ZNF385D: variants seen among roughly 807,000 people sequenced by gnomAD.
ZNF385D encodes zinc finger protein 659.
ZNF385D carries 15 observed loss-of-function variants against 35.8 expected under a neutral mutation model. The ratio of observed to expected loss-of-function variants is 0.42; its 90% confidence interval spans 0.28 to 0.64. The LOEUF is 0.64. Among genes scored for constraint, ZNF385D ranks in the 30% least tolerant of loss-of-function variants. ZNF385D has a pLI of 0.23. For missense variants in ZNF385D, 474 were observed against 494.6 expected (o/e 0.96, Z 0.39); for synonymous variants, 212 against 186.8 (o/e 1.13, Z -1.10).
At chr3:22,185,235 G>T (rs1001274089) in intron 2 of ZNF385D, among the ~76,000 whole-genome samples, 1 of 152,060 alleles carries the variant, frequency 6.6e-6, no homozygotes, top group Non-Finnish European at 1.5e-5. Context: ...GGACAGAAAC[G>T]AAATACTAAG....
rs184832791 is a variant in ZNF385D, at chr3:21,970,949, T to C, written c.325+197868A>G. Among the ~76,000 whole-genome samples the C allele has an allele frequency of 2.3e-3, 354 of 152,132 alleles. 1 individual carries two copies. Among genetic ancestry groups the C allele is most frequent in the African/African-American group, 8.1e-3 (338 of 41,540 alleles). On this transcript the variant is annotated intron_variant, in intron 3 of 5. Coordinates refer to the ZNF385D transcript ENST00000494108. The stretch of plus-strand genomic sequence containing the variant: ...CAAAAGAAAAAAAAAACTTTCATCT[T>C]AGAGTACTATATCCAGTAAAAATGT...
intron 1 of ZNF385D, among the ~76,000 whole-genome samples, chr3:21,684,693 T>TA (rs145832312): frequency 2.4e-4 from 37 of 152,300 alleles, no homozygotes; most frequent in African/African-American, 8.4e-4. Flanking sequence ...ATGTTTATGG[T>TA]ATAATAAGCA....
At chr3:22,101,071 T>G (rs950047785) in intron 3 of ZNF385D, among the ~76,000 whole-genome samples, 1 of 151,978 alleles carries the variant, frequency 6.6e-6, no homozygotes, top group African/African-American at 2.4e-5. Flanking sequence ...AAGAAGTTAA[T>G]GAAAACTTAG....
intron 3 of ZNF385D, among the ~76,000 whole-genome samples, chr3:21,769,495 A>G (rs2070983102): frequency 7.9e-6 from 1 of 126,812 alleles, no homozygotes; most frequent in African/African-American, 3.2e-5. Flanking sequence ...AATTGCTTCA[A>G]AGAGAATAAA....
chr3:21,911,728 T>G (rs259547), intron 3 of ZNF385D, among the ~76,000 whole-genome samples: 21,847 of 151,906 alleles, frequency 0.14, 1,832 homozygotes, highest in African/African-American at 0.16. Context: ...TGCCAAAAAC[T>G]TATTTTATTA....
intron 3 of ZNF385D, among the ~76,000 whole-genome samples, chr3:22,124,115 G>A (rs1386403269): frequency 6.6e-6 from 1 of 151,496 alleles, no homozygotes; most frequent in Non-Finnish European, 1.5e-5. Context: ...TCTGGTAACC[G>A]TTATTCTACT....
At chr3:22,106,639 C>T (rs918880159) in intron 3 of ZNF385D, among the ~76,000 whole-genome samples, 4 of 152,118 alleles carry the variant, frequency 2.6e-5, no homozygotes, top group East Asian at 1.9e-4. Flanking sequence ...AAAGCCAAGC[C>T]GTCAACCTGA....
At chr3:21,798,028 C>G (rs2072231348) in intron 3 of ZNF385D, among the ~76,000 whole-genome samples, 1 of 152,142 alleles carries the variant, frequency 6.6e-6, no homozygotes, top group African/African-American at 2.4e-5. Context: ...AAACTATGGA[C>G]ACTGGCAACA....
intron 3 of ZNF385D, among the ~76,000 whole-genome samples, chr3:21,909,291 C>T (rs1368461380): frequency 6.6e-6 from 1 of 152,048 alleles, no homozygotes; most frequent in Non-Finnish European, 1.5e-5. Flanking sequence ...CTTCCTCCTG[C>T]CCCTTTTCTC....
chr3:21,570,047 T>TA (rs1235679376), intron 2 of ZNF385D, among the ~76,000 whole-genome samples: 4 of 151,466 alleles, frequency 2.6e-5, no homozygotes, highest in Admixed American at 2.0e-4. Context: ...CCCTAAAACT[T>TA]AAAGTATAAT....
At chr3:22,028,109 G>C (rs1202463173) in intron 3 of ZNF385D, among the ~76,000 whole-genome samples, 1 of 152,190 alleles carries the variant, frequency 6.6e-6, no homozygotes, top group Non-Finnish European at 1.5e-5. Flanking sequence ...GGATGGTCAG[G>C]GACTTGGAAG....
chr3:21,445,441 T>C (rs1301508814), intron 4 of ZNF385D, among the ~76,000 whole-genome samples: 3 of 152,190 alleles, frequency 2.0e-5, no homozygotes, highest in African/African-American at 4.8e-5. Flanking sequence ...ACTTTTTTTC[T>C]CTACAAGGTA....
At chr3:21,864,168 A>T (rs1253121801) in intron 3 of ZNF385D, among the ~76,000 whole-genome samples, 1 of 152,144 alleles carries the variant, frequency 6.6e-6, no homozygotes, top group Non-Finnish European at 1.5e-5. Flanking sequence ...ATTCTCAACC[A>T]GTCCTTTTGT....
intron 3 of ZNF385D, among the ~76,000 whole-genome samples, chr3:22,142,803 G>GAC (rs1170781359): frequency 6.6e-6 from 1 of 151,788 alleles, no homozygotes; most frequent in Non-Finnish European, 1.5e-5. Flanking sequence ...CAAGCCTAAG[G>GAC]ACACAGCTTC....
At chr3:21,697,318 G>GA (rs569452134) in intron 1 of ZNF385D, among the ~76,000 whole-genome samples, 32 of 152,056 alleles carry the variant, frequency 2.1e-4, no homozygotes, top group African/African-American at 7.0e-4. Flanking sequence ...ATAATCACAT[G>GA]AAAAAAAGAC....
intron 3 of ZNF385D, among the ~76,000 whole-genome samples, chr3:22,084,464 A>T (rs558551783): frequency 6.6e-6 from 1 of 152,192 alleles, no homozygotes. Flanking sequence ...ACCAACAAAG[A>T]TCAAAAGAGA....
At chr3:21,694,298 G>A (rs2067394923) in intron 1 of ZNF385D, among the ~76,000 whole-genome samples, 1 of 151,988 alleles carries the variant, frequency 6.6e-6, no homozygotes, top group East Asian at 1.9e-4. Flanking sequence ...GCCTCCCAAA[G>A]TGCTGGGATT....
Position 22,111,336 on chromosome 3 carries a change from G to T in ZNF385D, c.325+57481C>A, listed in dbSNP as rs565113989. ...TGGTAAATGTAAGTTTACTAAATAT[G>T]TATGAGAGCTTCAATTTAGTAAGTT... is the stretch of plus-strand genomic sequence containing the variant. On this transcript the variant is annotated intron_variant, in intron 3 of 5. Transcript: ENST00000494108. Among the ~76,000 whole-genome samples the T allele has an allele frequency of 3.3e-5, 5 of 151,842 alleles. No individual in the cohort carries two copies. In the East Asian group the frequency reaches 7.7e-4, roughly 24 times the overall value.
At position 21,924,323 on chromosome 3, in the gene ZNF385D, G is replaced by A. The variant is rs150200802; in HGVS notation, c.325+244494C>T. ...GGAATAATACAGTAGTTAGCTTCCTGAGTTTTTTTTGTCATTTCTCCCAGA... is the reference window on the plus strand; with the variant it reads ...GGAATAATACAGTAGTTAGCTTCCTAAGTTTTTTTTGTCATTTCTCCCAGA... On this transcript the variant is annotated intron_variant, in intron 3 of 5. Transcript: ENST00000494108. Among the ~76,000 whole-genome samples the A allele has an allele frequency of 4.8e-3, 733 of 152,290 alleles. 3 individuals are homozygous for A. The highest frequency in any genetic ancestry group is 0.014 in the Middle Eastern group (4 of 294).
Sources: allele counts gnomAD v4.1 joint callset (sites outside exome capture counted in the v4.1 genomes callset), GRCh38; gene constraint gnomAD v4.1.1; transcripts MANE v1.5; gene names NCBI Gene and HGNC (gene_info 2026-07-23, HGNC 2026-07-21).